The following DPF3 variants were observed in gnomAD, a reference collection of about 807,000 sequenced individuals.
DPF3 encodes zinc finger protein DPF3.
Under a neutral mutation model 56.8 loss-of-function variants are expected in DPF3, and 18 were observed. The ratio of observed to expected loss-of-function variants is 0.32; its 90% confidence interval spans 0.22 to 0.47. The LOEUF is 0.47. Ranked by LOEUF, DPF3 falls within the 20% of genes least tolerant of loss-of-function variation. The probability of loss-of-function intolerance (pLI) is 1.00; values close to 1 mark genes in which losing one functional copy is unlikely to be tolerated. For missense variants in DPF3, 403 were observed against 488.8 expected (o/e 0.82, Z 1.65); for synonymous variants, 188 against 180.2 (o/e 1.04, Z -0.35).
intron 8 of DPF3, chr14:72,671,436 G>A (rs1407424267): frequency 1.4e-6 from 2 of 1,471,968 alleles, no homozygotes; most frequent in Middle Eastern, 1.7e-4. Context: ...TTAATAGCAA[G>A]ATATAAAACC....
chr14:72,718,425 T>A (rs1056989977), intron 5 of DPF3, among the ~76,000 whole-genome samples: 2 of 152,208 alleles, frequency 1.3e-5, no homozygotes, highest in African/African-American at 4.8e-5. Flanking sequence ...GTGTCTGAAC[T>A]ATTTTCATAG....
intron 1 of DPF3, among the ~76,000 whole-genome samples, chr14:72,834,222 C>T (rs1372596597): frequency 2.6e-5 from 4 of 151,822 alleles, no homozygotes; most frequent in Non-Finnish European, 5.9e-5. Flanking sequence ...TGAGGCCAGG[C>T]ATGGAGTCTG....
chr14:72,827,571 G>A (rs1883868235), intron 1 of DPF3, among the ~76,000 whole-genome samples: 1 of 127,864 alleles, frequency 7.8e-6, no homozygotes, highest in Non-Finnish European at 1.6e-5. Context: ...CGCCTCCCAA[G>A]TTCAAGCGAT....
At chr14:72,672,801 A>C (rs1272531895) in intron 8 of DPF3, among the ~76,000 whole-genome samples, 1 of 152,160 alleles carries the variant, frequency 6.6e-6, no homozygotes, top group African/African-American at 2.4e-5. Flanking sequence ...CCAAACCTAC[A>C]GCAGTCCATA....
chr14:72,644,750 C>A (rs1214563873), intron 8 of DPF3, among the ~76,000 whole-genome samples: 4 of 152,196 alleles, frequency 2.6e-5, no homozygotes, highest in Non-Finnish European at 5.9e-5. Flanking sequence ...TAAGCAGTGA[C>A]AAACTCCATT....
At chr14:72,767,296 C>T (rs912298083) in intron 2 of DPF3, among the ~76,000 whole-genome samples, 3 of 152,122 alleles carry the variant, frequency 2.0e-5, no homozygotes, top group African/African-American at 7.2e-5. Context: ...AGGAAAATCT[C>T]AAATGAGGAA....
intron 3 of DPF3, among the ~76,000 whole-genome samples, chr14:72,750,362 T>A (rs1420327546): frequency 6.6e-6 from 1 of 152,128 alleles, no homozygotes; most frequent in East Asian, 1.9e-4. Flanking sequence ...TTTGCTTCTA[T>A]AAAAGAAGAC....
At chr14:72,670,670 T>G (rs2153570315) in intron 8 of DPF3, 2 of 988,084 alleles carry the variant, frequency 2.0e-6, no homozygotes, top group Non-Finnish European at 2.4e-6. Flanking sequence ...GCAAAAAAAG[T>G]CTGATTCTAA....
intron 8 of DPF3, among the ~76,000 whole-genome samples, chr14:72,663,431 C>G (rs1308899575): frequency 6.6e-6 from 1 of 152,104 alleles, no homozygotes; most frequent in Non-Finnish European, 1.5e-5. Flanking sequence ...TCAAGTGTGT[C>G]AGAGTTACTC....
chr14:72,635,840 T>C (rs1001016935), intron 8 of DPF3, among the ~76,000 whole-genome samples: 3 of 152,220 alleles, frequency 2.0e-5, no homozygotes, highest in African/African-American at 7.2e-5. Flanking sequence ...CTAAGCCACA[T>C]CACTGATTGA....
chr14:72,683,286 C>A (rs1001331643), intron 7 of DPF3, among the ~76,000 whole-genome samples: 1 of 145,104 alleles, frequency 6.9e-6, no homozygotes, highest in Non-Finnish European at 1.5e-5. Context: ...GAGATCGCAC[C>A]ACTGCACTCC....
intron 7 of DPF3, among the ~76,000 whole-genome samples, chr14:72,690,103 T>G (rs946316081): frequency 6.6e-6 from 1 of 151,894 alleles, no homozygotes; most frequent in African/African-American, 2.4e-5. Context: ...GGAGTTGGAG[T>G]GTGTGCCACT....
intron 1 of DPF3, among the ~76,000 whole-genome samples, chr14:72,874,479 CA>C (rs573202244): frequency 1.5e-3 from 209 of 135,270 alleles, no homozygotes; most frequent in Admixed American, 1.7e-3. Context: ...ACTCCGTCTC[CA>C]AAAAAAAAAA....
intron 1 of DPF3, among the ~76,000 whole-genome samples, chr14:72,852,997 T>TA (rs1223417523): frequency 6.0e-5 from 9 of 151,116 alleles, no homozygotes; most frequent in Middle Eastern, 3.2e-3. Context: ...GATTTTTTTT[T>TA]AATTAAACTA....
chr14:72,751,220 A>C (rs1249618354), intron 3 of DPF3, among the ~76,000 whole-genome samples: 1 of 152,204 alleles, frequency 6.6e-6, no homozygotes, highest in Non-Finnish European at 1.5e-5. Flanking sequence ...AAAATTAAAA[A>C]AACTGTACAT....
At chr14:72,726,817 T>A (rs866225966) in intron 4 of DPF3, among the ~76,000 whole-genome samples, 2 of 152,242 alleles carry the variant, frequency 1.3e-5, no homozygotes, top group Middle Eastern at 3.4e-3. Context: ...ACAGTCTTTA[T>A]GGTGATAACA....
chr14:72,827,988 A>T (rs1012554852), intron 1 of DPF3, among the ~76,000 whole-genome samples: 2 of 152,170 alleles, frequency 1.3e-5, no homozygotes, highest in South Asian at 4.1e-4. Flanking sequence ...TGATATAATA[A>T]TTCAAAGGTT....
At chr14:72,781,186 A>C (rs1442311214) in intron 1 of DPF3, among the ~76,000 whole-genome samples, 3 of 152,204 alleles carry the variant, frequency 2.0e-5, no homozygotes, top group African/African-American at 7.2e-5. Context: ...TTCTGTGGGA[A>C]AACTTCTTTC....
chr14:72,806,266 C>T (rs1290513316), intron 1 of DPF3, among the ~76,000 whole-genome samples: 2 of 152,054 alleles, frequency 1.3e-5, no homozygotes, highest in Admixed American at 6.6e-5. Flanking sequence ...TTGCCAAATC[C>T]AGTGGCCACC....
Sources: gnomAD v4.1 joint callset for allele counts (sites outside exome capture counted in the v4.1 genomes callset) on GRCh38, gnomAD v4.1.1 for gene constraint, MANE v1.5 for transcripts, NCBI Gene and HGNC (gene_info 2026-07-23, HGNC 2026-07-21) for gene names.